The following TMEM245 variants were observed in gnomAD, a reference collection of about 807,000 sequenced individuals.
TMEM245 encodes the protein transmembrane protein 245, also known as protein CG-2.
A neutral mutation model predicts 101.2 loss-of-function variants in TMEM245; 69 were observed. The ratio of observed to expected loss-of-function variants is 0.68; its 90% CI spans 0.56 to 0.83. The LOEUF is 0.83. Ranked by LOEUF, TMEM245 falls within the 40% of genes least tolerant of loss-of-function variation. TMEM245 has a pLI of 0.00. For synonymous variants in TMEM245, 537 were observed against 449.8 expected (o/e 1.19, Z -2.45); for missense variants, 1,075 against 1,092.8 (o/e 0.98, Z 0.23).
At chr9:109,072,605 C>T (rs190057888) in intron 9 of TMEM245, among the ~76,000 whole-genome samples, 24 of 152,320 alleles carry the variant, frequency 1.6e-4, no homozygotes, top group Admixed American at 2.6e-4. Flanking sequence ...AGGTACCCTA[C>T]GGGTGGTGTT....
intron 1 of TMEM245, among the ~76,000 whole-genome samples, chr9:109,112,679 A>T (rs1830598069): frequency 6.6e-6 from 1 of 152,254 alleles, no homozygotes; most frequent in Non-Finnish European, 1.5e-5. Flanking sequence ...CAAAAAACAA[A>T]AACCTTCTAC....
intron 9 of TMEM245, among the ~76,000 whole-genome samples, chr9:109,071,248 C>T (rs1350374071): frequency 6.6e-6 from 1 of 151,912 alleles, no homozygotes; most frequent in Non-Finnish European, 1.5e-5. Context: ...TTTTTTAATG[C>T]TGTATAATAT....
chr9:109,111,582 C>T (rs117210018), intron 1 of TMEM245, among the ~76,000 whole-genome samples: 3,791 of 152,224 alleles, frequency 0.025, 71 homozygotes, highest in Non-Finnish European at 0.042. Context: ...AATATACTCC[C>T]CAATTCTACT....
chr9:109,074,461 C>T (rs140573018), intron 8 of TMEM245, among the ~76,000 whole-genome samples: 6 of 152,036 alleles, frequency 3.9e-5, no homozygotes, highest in East Asian at 1.9e-4. Flanking sequence ...TTACGATTCA[C>T]GAGTAACAGG....
At chr9:109,073,293 C>T in intron 9 of TMEM245, 63 bp downstream of exon 9, 7 of 1,242,878 alleles carry the variant, frequency 5.6e-6, no homozygotes, top group South Asian at 2.4e-5. Flanking sequence ...AAGGTCATTT[C>T]GTGCAAACAG....
intron 12 of TMEM245, among the ~76,000 whole-genome samples, chr9:109,056,070 C>T (rs1430453381): frequency 1.3e-5 from 2 of 152,178 alleles, no homozygotes. Context: ...AGCACTTCAT[C>T]TTCCACATTA....
At chr9:109,077,129 T>C (rs1411567914) in intron 8 of TMEM245, among the ~76,000 whole-genome samples, 2 of 151,840 alleles carry the variant, frequency 1.3e-5, no homozygotes, top group African/African-American at 4.8e-5. Flanking sequence ...TCAAGTTGAC[T>C]GACCGCGTTT....
chr9:109,102,285 C>G (rs1259121383), intron 3 of TMEM245, among the ~76,000 whole-genome samples: 2 of 152,072 alleles, frequency 1.3e-5, no homozygotes, highest in African/African-American at 4.8e-5. Flanking sequence ...TCCCTATTTT[C>G]CACTGTCAGA....
rs576704066 is a variant in TMEM245, at chr9:109,119,852, G to A, written c.62C>T (p.Pro21Leu). The change falls in exon 1 of 18, where the codon CCG (proline) becomes CTG (leucine). Residue 21 changes from proline to leucine, a missense_variant. This residue lies in a region of TMEM245 where 808 missense variants were observed against 741.5 expected (regional missense o/e 1.09). Coordinates refer to ENST00000374586, the MANE Select transcript of TMEM245 (RefSeq NM_032012.4). The stretch of plus-strand genomic sequence containing the variant: ...CGGCCCGACCGCGCGCGGGACCCGC[G>A]GCGCCGGCCCGGGAGAGCTCCGCAG... ...PSLRSSPGPA[P>L]RVPRAVGPSG... The A allele has an allele frequency of 7.8e-5, 104 of 1,329,920 alleles. No individual in the cohort carries two copies. The African/African-American group carries it at 1.5e-3, about 19-fold the overall frequency. The allele number at this position is 1,329,920 out of a possible 1,614,324, so 82.4% of individuals were successfully genotyped here.
chr9:109,094,295 G>A (rs1315260579), intron 3 of TMEM245, among the ~76,000 whole-genome samples: 2 of 152,082 alleles, frequency 1.3e-5, no homozygotes, highest in Non-Finnish European at 2.9e-5. Context: ...ACATAGCATC[G>A]GGTTCTAGCA....
chr9:109,117,398 G>A (rs910353648), intron 1 of TMEM245, among the ~76,000 whole-genome samples: 4 of 152,082 alleles, frequency 2.6e-5, no homozygotes, highest in African/African-American at 7.2e-5. Context: ...GATTACAGGC[G>A]TGAGCCACCG....
intron 3 of TMEM245, 25 bp from the exon 4 acceptor site, chr9:109,093,616 A>C: frequency 3.2e-6 from 5 of 1,581,228 alleles, no homozygotes; most frequent in Non-Finnish European, 4.3e-6. Flanking sequence ...TCCATTTTCA[A>C]AACTCTTTAA....
At chr9:109,044,749 A>G (rs1828426642) in intron 14 of TMEM245, among the ~76,000 whole-genome samples, 1 of 148,260 alleles carries the variant, frequency 6.7e-6, no homozygotes, top group Non-Finnish European at 1.5e-5. Flanking sequence ...CATCTTGATC[A>G]TTTATCATTT....
At chr9:109,053,364 T>A (rs929054495) in intron 12 of TMEM245, among the ~76,000 whole-genome samples, 1 of 151,842 alleles carries the variant, frequency 6.6e-6, no homozygotes, top group African/African-American at 2.4e-5. Flanking sequence ...GAGGTGGAGG[T>A]TGCAGTGAGC....
At chr9:109,076,281 C>CA (rs563035945) in intron 8 of TMEM245, among the ~76,000 whole-genome samples, 93 of 149,174 alleles carry the variant, frequency 6.2e-4, no homozygotes, top group African/African-American at 2.2e-3. Context: ...ATCGCAAAGA[C>CA]AAAAAACCAA....
At chr9:109,072,904 T>C (rs1829377265) in intron 9 of TMEM245, among the ~76,000 whole-genome samples, 1 of 152,174 alleles carries the variant, frequency 6.6e-6, no homozygotes, top group East Asian at 1.9e-4. Context: ...ACAGTTTCCA[T>C]GTTATAGTGG....
At chr9:109,023,536 C>G (rs191496748) in intron 17 of TMEM245, among the ~76,000 whole-genome samples, 1 of 152,204 alleles carries the variant, frequency 6.6e-6, no homozygotes, top group East Asian at 1.9e-4. Flanking sequence ...AATTTCTCGT[C>G]TAAGAATAAG....
chr9:109,062,778 C>G (rs945356443), intron 10 of TMEM245, among the ~76,000 whole-genome samples: 7 of 152,164 alleles, frequency 4.6e-5, no homozygotes, highest in Non-Finnish European at 7.3e-5. Context: ...CGAGACCAGC[C>G]TGGGCAACAT....
At chr9:109,068,315 A>G (rs1829230939) in intron 9 of TMEM245, among the ~76,000 whole-genome samples, 1 of 150,122 alleles carries the variant, frequency 6.7e-6, no homozygotes, top group African/African-American at 2.5e-5. Context: ...GCTTGCATTG[A>G]GCCAAGATCG....
Sources: gnomAD v4.1 joint callset for allele counts (sites outside exome capture counted in the v4.1 genomes callset) on GRCh38, gnomAD v4.1.1 for gene constraint, gnomAD v4.1.1 regional missense constraint, MANE v1.5 for transcripts, NCBI Gene and HGNC (gene_info 2026-07-23, HGNC 2026-07-21) for gene names.